The following GAK variants were observed in gnomAD, a reference collection of about 807,000 sequenced individuals.
The protein encoded by GAK is cyclin G associated kinase.
A neutral mutation model predicts 143.9 loss-of-function variants in GAK; 79 were observed. The observed-to-expected ratio is 0.55, with a 90% CI of 0.46 to 0.66. GAK has a LOEUF of 0.66. Ranked by LOEUF, GAK falls within the 30% of genes least tolerant of loss-of-function variation. GAK has a pLI of 0.00. For missense variants in GAK, 1,693 were observed against 1,779.7 expected, an observed-to-expected ratio of 0.95 and a Z score of 0.88; for synonymous variants, 881 against 765.5, an observed-to-expected ratio of 1.15 and a Z score of -2.49.
intron 24 of GAK, among the ~76,000 whole-genome samples, chr4:856,624 C>CCTGCTCACAG (rs1749323019): frequency 1.3e-5 from 2 of 148,574 alleles, no homozygotes; most frequent in South Asian, 2.2e-4. Flanking sequence ...GGTGCTCACA[C>CCTGCTCACAG]CTGCTCACCA....
At chr4:912,358 A>G in intron 3 of GAK, 2 of 366,108 alleles carry the variant, frequency 5.5e-6, no homozygotes, top group South Asian at 2.0e-5. Context: ...GAGAAGCCAC[A>G]TCGGGGCCTG....
At chr4:883,674 G>T (rs915910142) in intron 12 of GAK, among the ~76,000 whole-genome samples, 1 of 152,228 alleles carries the variant, frequency 6.6e-6, no homozygotes, top group African/African-American at 2.4e-5. Context: ...CCCATCAGCC[G>T]GTGGCTGGGA....
In GAK at chr4:894,978, C is replaced by CAAATAAATAAAT. The variant is rs1553885659; in HGVS notation, c.742-981_742-970dup. Among the ~76,000 whole-genome samples, 631 of 126,552 alleles carry CAAATAAATAAAT rather than the reference C, an allele frequency of 5.0e-3. 5 individuals carry two copies. The highest frequency in any genetic ancestry group is 0.017 in the African/African-American group (556 of 33,456). 83.0% of individuals were successfully genotyped at this position (126,552 alleles called of 152,430 possible). On this transcript the variant is annotated intron_variant, in intron 7 of 27. Transcript: ENST00000314167. ...CTAGCAACAAAGCGAGACTCTGTCT[C>CAAATAAATAAAT]AAATAAATAAATAAATAAATAAATA...
intron 1 of GAK, among the ~76,000 whole-genome samples, chr4:927,659 C>T: frequency 9.1e-6 from 1 of 109,540 alleles, no homozygotes; most frequent in South Asian, 3.5e-4. Flanking sequence ...CCTCCCCGCT[C>T]ACCTGTAGTC....
intron 5 of GAK, among the ~76,000 whole-genome samples, chr4:902,235 T>TAA (rs77844745): frequency 4.4e-4 from 44 of 100,740 alleles, no homozygotes; most frequent in African/African-American, 1.2e-3. Context: ...AGACTCCGCC[T>TAA]AAAAAAAAAA....
intron 11 of GAK, chr4:887,446 C>T (rs1475129506): frequency 6.6e-6 from 1 of 151,936 alleles, no homozygotes; most frequent in Non-Finnish European, 1.5e-5. Context: ...CACTCGCACA[C>T]ATGCATACAC....
intron 5 of GAK, 43 bp from the exon 6 acceptor site, chr4:898,201 A>G (rs768483681): frequency 1.9e-6 from 3 of 1,608,260 alleles, no homozygotes; most frequent in Admixed American, 1.7e-5. Flanking sequence ...TGGCGTAGAC[A>G]GAGATGGGAC....
intron 4 of GAK, among the ~76,000 whole-genome samples, chr4:908,687 C>T (rs1721511837): frequency 6.6e-6 from 1 of 152,166 alleles, no homozygotes; most frequent in South Asian, 2.1e-4. Flanking sequence ...ACTCCAGAGG[C>T]TAAGGCGGGA....
intron 15 of GAK, among the ~76,000 whole-genome samples, chr4:878,385 C>A (rs754473328): frequency 2.6e-5 from 4 of 151,996 alleles, no homozygotes; most frequent in Non-Finnish European, 5.9e-5. Flanking sequence ...TCCACTGTGG[C>A]CTGACAGCAT....
At chr4:913,356 T>C (rs989064439) in intron 2 of GAK, among the ~76,000 whole-genome samples, 4 of 152,156 alleles carry the variant, frequency 2.6e-5, no homozygotes, top group Non-Finnish European at 5.9e-5. Flanking sequence ...GACCCCACCA[T>C]GAGGTCACCC....
At chr4:856,654 A>C (rs1749334282) in intron 24 of GAK, among the ~76,000 whole-genome samples, 1 of 75,964 alleles carries the variant, frequency 1.3e-5, no homozygotes, top group African/African-American at 6.1e-5. Flanking sequence ...ACACCTGCTC[A>C]CCATAGCTCA....
chr4:909,691 C>A (rs149042430), intron 4 of GAK, among the ~76,000 whole-genome samples: 1 of 152,188 alleles, frequency 6.6e-6, no homozygotes, highest in African/African-American at 2.4e-5. Flanking sequence ...TTGACGTCTG[C>A]GACTTATTTT....
At chr4:894,586 G>C (rs1000340241) in intron 7 of GAK, 2 of 152,712 alleles carry the variant, frequency 1.3e-5, no homozygotes, top group African/African-American at 2.4e-5. Context: ...AGCTGGCGGC[G>C]TGCTTCCCAC....
Position 932,143 on chromosome 4 carries a change from G to C in GAK, c.45C>G (p.Gly15=), listed in dbSNP as rs761942900. 2.5e-6 allele frequency: 4 copies of C among 1,582,022 alleles called. No homozygotes were observed. Among genetic ancestry groups the C allele is most frequent in the Non-Finnish European group, 3.4e-6 (4 of 1,165,138 alleles). The change falls in exon 1 of 28, where the codon GGC becomes GGG. Residue 15 remains glycine, a synonymous_variant. Transcript: ENST00000314167. The surrounding 1 kb of genome is among the most constrained non-coding windows in gnomAD (Gnocchi z 4.0). Reference sequence around the variant, plus strand: ...CGCGGCCGGAAGCACCGCCCAGGGAGCCTGGACCCGCCAAGAAGTCGAGCG... The same window carrying C: ...CGCGGCCGGAAGCACCGCCCAGGGACCCTGGACCCGCCAAGAAGTCGAGCG... ...QSALDFLAGP[G]SLGGASGRDQ...
chr4:912,620 A>G (rs747797178), intron 3 of GAK, 115 bp downstream of exon 3: 30 of 763,892 alleles, frequency 3.9e-5, no homozygotes, highest in Non-Finnish European at 5.7e-5. Context: ...GCCGATTTTA[A>G]CACATGAAAG....
intron 24 of GAK, 33 bp from the exon 25 acceptor site, chr4:852,007 G>A: frequency 6.4e-7 from 1 of 1,565,524 alleles, no homozygotes; most frequent in South Asian, 1.1e-5. Context: ...CTCGGCATCT[G>A]GTTGTCCATG....
At chr4:906,873 A>AGG (rs1327770649) in intron 4 of GAK, among the ~76,000 whole-genome samples, 2 of 151,980 alleles carry the variant, frequency 1.3e-5, no homozygotes, top group Non-Finnish European at 2.9e-5. Context: ...CTGCCTCAGG[A>AGG]CCCCTCACAA....
At chr4:878,506 T>A (rs1396084190) in intron 15 of GAK, among the ~76,000 whole-genome samples, 4 of 152,206 alleles carry the variant, frequency 2.6e-5, no homozygotes, top group Non-Finnish European at 5.9e-5. Flanking sequence ...AATGTGTGTT[T>A]TTCTATTGTT....
chr4:875,872 G>A (rs939638235), intron 18 of GAK, among the ~76,000 whole-genome samples: 1 of 152,244 alleles, frequency 6.6e-6, no homozygotes, highest in Non-Finnish European at 1.5e-5. Flanking sequence ...AGCCTGGTGG[G>A]TGGAGTTGCA....
Sources: gnomAD v4.1 joint callset for allele counts (sites outside exome capture counted in the v4.1 genomes callset) on GRCh38, gnomAD v4.1.1 for gene constraint, Gnocchi (gnomAD v3.1) non-coding constraint, MANE v1.5 for transcripts, NCBI Gene and HGNC (gene_info 2026-07-23, HGNC 2026-07-21) for gene names.